Variants in NOTCH3 observed in about 807,000 individuals in gnomAD.
The protein encoded by NOTCH3 is neurogenic locus notch homolog protein 3.
Under a neutral mutation model 213.3 loss-of-function variants are expected in NOTCH3, and 86 were observed. That is an observed-to-expected ratio of 0.40 (90% confidence interval 0.34 to 0.48). NOTCH3 has a LOEUF of 0.48. Among genes scored for constraint, NOTCH3 ranks in the 20% least tolerant of loss-of-function variants. The probability of loss-of-function intolerance (pLI) is 0.57; values close to 1 mark genes in which losing one functional copy is unlikely to be tolerated. For missense variants in NOTCH3, 2,783 were observed against 3,272.6 expected (o/e 0.85, Z 3.65); for synonymous variants, 1,354 against 1,355.9 (o/e 1.00, Z 0.03).
At position 15,192,146 on chromosome 19, in the gene NOTCH3, C is replaced by G. The variant is rs750538598; in HGVS notation, c.493G>C (p.Gly165Arg). 1 of 1,612,860 alleles carries G rather than the reference C, an allele frequency of 6.2e-7. No homozygotes were observed. The highest frequency in any genetic ancestry group is 8.5e-7 in the Non-Finnish European group (1 of 1,179,980). ...CRSDVDECRV[G>R]EPCRHGGTCL... ...GTGCCACCATGGCGGCAGGGCTCAC[C>G]CACCCGGCACTCATCCACGTCGCTT... The change falls in exon 4 of 33, where the codon GGT becomes CGT. Residue 165 changes from glycine (G) to arginine (R), a missense_variant. Gly to Arg is a moderately radical substitution (Grantham distance 125). This residue lies in a region of NOTCH3 where 708 missense variants were observed against 906.6 expected (regional missense o/e 0.78). Transcript: ENST00000263388.
In NOTCH3 at chr19:15,193,804, C is replaced by T. The variant is rs193065901; in HGVS notation, c.198-1285G>A. Among the ~76,000 whole-genome samples the T allele has an allele frequency of 1.0e-3, 147 of 140,784 alleles. 1 individual carries two copies. The highest frequency in any genetic ancestry group is 1.9e-3 in the Admixed American group (26 of 13,794). 92.4% of individuals were successfully genotyped at this position (140,784 alleles called of 152,430 possible). A position where few individuals can be genotyped will look rare whatever the true frequency, so the allele number is the denominator to read the frequency against. On this transcript the variant is annotated intron_variant, in intron 2 of 32. Coordinates refer to ENST00000263388, the MANE Select transcript of NOTCH3 (RefSeq NM_000435.3). ...ACAAAAAACAAAAAAAACAAACAGGCCAGGCGCAGTGGCTCATGCCTGTAA... is the reference window on the plus strand; with the variant it reads ...ACAAAAAACAAAAAAAACAAACAGGTCAGGCGCAGTGGCTCATGCCTGTAA...
At chr19:15,174,549 A>G in intron 24 of NOTCH3, 149 bp from the exon 25 acceptor site, 1 of 576,116 alleles carries the variant, frequency 1.7e-6, no homozygotes, top group South Asian at 3.4e-5. Context: ...GGCTTTCTGC[A>G]AATCTTGCCA....
chr19:15,192,574 A>G, intron 2 of NOTCH3, 55 bp from the exon 3 acceptor site: 1 of 1,545,314 alleles, frequency 6.5e-7, no homozygotes, highest in Non-Finnish European at 8.7e-7. Context: ...CCCCAGACAC[A>G]AAGATACACA....
intron 24 of NOTCH3, among the ~76,000 whole-genome samples, chr19:15,176,232 G>A (rs1410301464): frequency 3.4e-5 from 5 of 144,952 alleles, no homozygotes; most frequent in African/African-American, 7.8e-5. Flanking sequence ...GCAATGGCAC[G>A]ATCTCAGCTC....
In NOTCH3 at chr19:15,167,479, T is replaced by TG. The variant is rs2046695777; in HGVS notation, c.5200-69dup. The TG allele has an allele frequency of 2.0e-6, 3 of 1,481,666 alleles. No homozygotes were observed. In the African/African-American group the frequency reaches 4.1e-5, roughly 20 times the overall value. 91.8% of individuals were successfully genotyped at this position (1,481,666 alleles called of 1,614,324 possible). ...TGCTGGGGAGAGCCACTGCCAGGGA[T>TG]GGGGCTGGGCATTCCTACAGGTTTC... On this transcript the variant is annotated intron_variant, in intron 28 of 32. Transcript: ENST00000263388.
At position 15,160,469 on chromosome 19, in the gene NOTCH3, C is replaced by T. The variant is rs1363820629; in HGVS notation, c.*193G>A. On this transcript the variant is annotated 3_prime_UTR_variant, in exon 33 of 33. Coordinates refer to ENST00000263388, the MANE Select transcript of NOTCH3 (RefSeq NM_000435.3). ...TGAGAGGGTGGGTGGTAGCCCCCAC[C>T]CATTATAAATAAAGGAAGACTGAAG... 1.6e-6 allele frequency: 1 copy of T among 624,176 alleles called. No homozygotes were observed. Among genetic ancestry groups the T allele is most frequent in the South Asian group, 1.9e-5 (1 of 53,596 alleles). The allele number at this position is 624,176 out of a possible 1,614,324, so 38.7% of individuals were successfully genotyped here. A position where few individuals can be genotyped will look rare whatever the true frequency, so the allele number is the denominator to read the frequency against.
In NOTCH3 at chr19:15,188,907, A is replaced by G. The variant is rs551419485; in HGVS notation, c.1378+82T>C. The G allele has an allele frequency of 5.0e-4, 716 of 1,427,204 alleles. 2 individuals carry two copies. Among genetic ancestry groups the G allele is most frequent in the Middle Eastern group, 1.3e-3 (6 of 4,494 alleles). The allele number at this position is 1,427,204 out of a possible 1,614,324, so 88.4% of individuals were successfully genotyped here. A position where few individuals can be genotyped will look rare whatever the true frequency, so the allele number is the denominator to read the frequency against. On this transcript the variant is annotated intron_variant, in intron 8 of 32. Coordinates refer to ENST00000263388, the MANE Select transcript of NOTCH3 (RefSeq NM_000435.3). ...CCCACTCCAAACCCACTTACACCCC[A>G]TTCTGCTCAGCTCCCCATCCGCGGG...
intron 25 of NOTCH3, 62 bp from the exon 26 acceptor site, chr19:15,170,887 C>T: frequency 6.4e-7 from 1 of 1,573,986 alleles, no homozygotes; most frequent in Non-Finnish European, 8.7e-7. Flanking sequence ...CCCCTGGTAC[C>T]AAGCCCCACT....
chr19:15,161,058 C>G lies in NOTCH3; in HGVS notation c.6570G>C (p.Ala2190=), dbSNP rs771107661. 7.8e-6 allele frequency: 12 copies of G among 1,538,176 alleles called. No individual in the cohort carries two copies. Among genetic ancestry groups the G allele is most frequent in the Non-Finnish European group, 1.0e-5 (12 of 1,145,584 alleles). ...PPGPSFLLPL[A]PGPQLLNPGT... is the part of the protein sequence containing the mutation. ...CTGGGTTGAGCAGCTGGGGTCCCGG[C>G]GCCAGTGGCAGCAGGAACGAGGGGC... Residue 2190 remains alanine, a synonymous_variant, in exon 33 of 33, where the codon GCG becomes GCC. Coordinates refer to ENST00000263388, the MANE Select transcript of NOTCH3 (RefSeq NM_000435.3).
In NOTCH3 at chr19:15,179,041, A is replaced by G. The variant is rs1445411356; in HGVS notation, c.3702T>C (p.Cys1234=). 6.2e-7 allele frequency: 1 copy of G among 1,614,102 alleles called. No homozygotes were observed. The highest frequency in any genetic ancestry group is 8.5e-7 in the Non-Finnish European group (1 of 1,180,052). The part of the protein sequence containing the change: ...QDPGGGFRCL[C]HAGFSGPRCQ... ...AACGCTTACCTGAGAAGCCAGCATG[A>G]CAAAGGCAACGGAAACCTCCGCCTG... Residue 1234 remains cysteine, a synonymous_variant, in exon 22 of 33, where the codon TGT becomes TGC. Transcript: ENST00000263388.
At chr19:15,184,800 A>C in intron 15 of NOTCH3, 106 bp downstream of exon 15, 1 of 697,838 alleles carries the variant, frequency 1.4e-6, no homozygotes, top group South Asian at 1.7e-5. Context: ...CCCCTCTCAA[A>C]GGCAGGGCTG....
At chr19:15,183,415 T>TGTTTG (rs1235475137) in intron 16 of NOTCH3, among the ~76,000 whole-genome samples, 1 of 151,896 alleles carries the variant, frequency 6.6e-6, no homozygotes. Context: ...TTTGTTCGTT[T>TGTTTG]TTGAGACGGA....
Position 15,184,294 on chromosome 19 carries a change from C to T in NOTCH3, c.2566+1G>A. 1 of 1,613,912 alleles carries T rather than the reference C, an allele frequency of 6.2e-7. No individual in the cohort carries two copies. Among genetic ancestry groups the T allele is most frequent in the East Asian group, 2.2e-5 (1 of 44,874 alleles). On this transcript the variant is annotated splice_donor_variant, in intron 16 of 32. Coordinates refer to ENST00000263388, the MANE Select transcript of NOTCH3 (RefSeq NM_000435.3). LOFTEE classifies it high-confidence loss of function. ...ACCCCCAAGAGCTCCCCTGCACTCA[C>T]TGGGGTCACAGTCATTGATGTCCTG...
rs1412593917 is a variant in NOTCH3, at chr19:15,174,007, T to C, written c.4736+61A>G. On this transcript the variant is annotated intron_variant, in intron 25 of 32. Coordinates refer to ENST00000263388, the MANE Select transcript of NOTCH3 (RefSeq NM_000435.3). ...TAAGTGAAATGAAACACACAAGACC[T>C]GGATCAACAGCATCTCTCCTCTCCC... The C allele has an allele frequency of 2.2e-6, 3 of 1,374,696 alleles. No homozygotes were observed. In the East Asian group the frequency reaches 7.0e-5, roughly 32 times the overall value. The allele number at this position is 1,374,696 out of a possible 1,614,324, so 85.2% of individuals were successfully genotyped here. A position where few individuals can be genotyped will look rare whatever the true frequency, so the allele number is the denominator to read the frequency against.
At chr19:15,176,937 T>C (rs932967491) in intron 24 of NOTCH3, among the ~76,000 whole-genome samples, 2 of 149,878 alleles carry the variant, frequency 1.3e-5, no homozygotes, top group African/African-American at 5.0e-5. Flanking sequence ...CCAGGCGTGG[T>C]GGCAGGTACC....
chr19:15,188,403 G>T, intron 8 of NOTCH3, 55 bp from the exon 9 acceptor site: 2 of 1,180,068 alleles, frequency 1.7e-6, no homozygotes, highest in Non-Finnish European at 2.5e-6. Flanking sequence ...GTGTGAACGG[G>T]GTGCAAGGAA....
chr19:15,164,191 G>A (rs1048756331), intron 31 of NOTCH3, among the ~76,000 whole-genome samples: 1 of 151,584 alleles, frequency 6.6e-6, no homozygotes, highest in East Asian at 1.9e-4. Flanking sequence ...TGGGTGAATT[G>A]TATGGCATGT....
intron 17 of NOTCH3, 49 bp downstream of exon 17, chr19:15,181,527 C>T (rs1279243107): frequency 1.3e-6 from 2 of 1,481,926 alleles, no homozygotes; most frequent in Non-Finnish European, 1.8e-6. Flanking sequence ...AGGTCCCAGG[C>T]CCCATCCCAA....
chr19:15,179,171 C>G lies in NOTCH3; in HGVS notation c.3572G>C (p.Cys1191Ser), dbSNP rs1192888680. The G allele has an allele frequency of 1.2e-6, 2 of 1,614,102 alleles. No homozygotes were observed. Among genetic ancestry groups the G allele is most frequent in the Admixed American group, 3.3e-5 (2 of 60,032 alleles). Residue 1191 changes from cysteine to serine, a missense_variant, in exon 22 of 33, where the codon TGC becomes TCC. Cys to Ser is a moderately radical substitution (Grantham distance 112). This residue lies in a region of NOTCH3 where 861 missense variants were observed against 909.1 expected (regional missense o/e 0.95). Transcript: ENST00000263388. ...TCVDLVGGFR[C>S]TCPPGYTGLR... Reference sequence around the variant, plus strand: ...ACCAGTGTATCCTGGGGGACAGGTGCAGCGGAAACCACCCACCAGGTCCAC... The same window carrying G: ...ACCAGTGTATCCTGGGGGACAGGTGGAGCGGAAACCACCCACCAGGTCCAC...
Sources: allele counts gnomAD v4.1 joint callset (sites outside exome capture counted in the v4.1 genomes callset), GRCh38; gene constraint gnomAD v4.1.1; regional missense constraint gnomAD v4.1.1; transcripts MANE v1.5; gene names NCBI Gene and HGNC (gene_info 2026-07-23, HGNC 2026-07-21).